The following MIXL1 variants were observed in gnomAD, a reference collection of about 807,000 sequenced individuals.
The protein encoded by MIXL1 is homeobox protein MIXL1.
Under a neutral mutation model 9.3 loss-of-function variants are expected in MIXL1, and 9 were observed. The observed-to-expected ratio is 0.97, with a 90% confidence interval of 0.58 to 1.69. The LOEUF (loss-of-function observed/expected upper bound fraction) is 1.69, where lower values mean the gene tolerates loss of function less well. Among genes scored for constraint, MIXL1 ranks in the 40% most tolerant of loss-of-function variants. MIXL1 has a pLI of 0.00. For missense variants in MIXL1, 330 were observed against 331.7 expected (o/e 0.99, Z 0.04); for synonymous variants, 164 against 155.6 (o/e 1.05, Z -0.40).
chr1:226,224,176 C>A (rs1194925747), intron 1 of MIXL1, 102 bp downstream of exon 1: 11 of 1,084,656 alleles, frequency 1.0e-5, no homozygotes, highest in African/African-American at 3.3e-5. Context: ...ACGTTGCAGG[C>A]ACGGTGCTTC....
At chr1:226,224,680 C>T (rs1254175099) in intron 1 of MIXL1, among the ~76,000 whole-genome samples, 2 of 152,158 alleles carry the variant, frequency 1.3e-5, no homozygotes, top group African/African-American at 2.4e-5. Context: ...ACTCTTGTTG[C>T]CCAGGCTGGA....
Position 226,224,467 on chromosome 1 carries a change from T to C in MIXL1, c.393+393T>C, listed in dbSNP as rs1340218236. Among the ~76,000 whole-genome samples the C allele has an allele frequency of 3.9e-5, 6 of 152,300 alleles. No homozygotes were observed. In the Middle Eastern group the frequency reaches 0.01, roughly 259 times the overall value. On this transcript the variant is annotated intron_variant, in intron 1 of 1. Transcript: ENST00000366810. ...CCTCTGGCTTTGAGCGTGAGAATGGTAGCTGAAAACGGGGAAGGCTGGCTC... is the reference window on the plus strand; with the variant it reads ...CCTCTGGCTTTGAGCGTGAGAATGGCAGCTGAAAACGGGGAAGGCTGGCTC...
At chr1:226,224,762 C>T (rs367992097) in intron 1 of MIXL1, among the ~76,000 whole-genome samples, 1 of 152,174 alleles carries the variant, frequency 6.6e-6, no homozygotes, top group Non-Finnish European at 1.5e-5. Flanking sequence ...GCCTCAGCCT[C>T]CCGAGTAGCT....
In MIXL1 at chr1:226,224,004, C is replaced by T. The variant is rs1171174409; in HGVS notation, c.323C>T (p.Thr108Ile). Residue 108 changes from threonine (T) to isoleucine (I), a missense_variant, in exon 1 of 2, where the codon ACC becomes ATC. Transcript: ENST00000366810. ...LQLLELVFRR[T>I]RYPDIHLRER... ...CTGCTGGAGCTCGTCTTCCGCCGGACCCGGTACCCCGACATCCACTTGCGC... is the reference window on the plus strand; with the variant it reads ...CTGCTGGAGCTCGTCTTCCGCCGGATCCGGTACCCCGACATCCACTTGCGC... 2 of 1,442,774 alleles carry T rather than the reference C, an allele frequency of 1.4e-6. No individual in the cohort carries two copies. The highest frequency in any genetic ancestry group is 2.1e-5 in the Admixed American group (1 of 47,768). The allele number at this position is 1,442,774 out of a possible 1,614,324, so 89.4% of individuals were successfully genotyped here.
rs1657088291 is a variant in MIXL1, at chr1:226,224,006, C to T, written c.325C>T (p.Arg109Trp). 3.5e-6 allele frequency: 5 copies of T among 1,444,334 alleles called. No homozygotes were observed. The highest frequency in any genetic ancestry group is 3.0e-5 in the South Asian group (2 of 67,470). The allele number at this position is 1,444,334 out of a possible 1,614,324, so 89.5% of individuals were successfully genotyped here. ...GCTGGAGCTCGTCTTCCGCCGGACC[C>T]GGTACCCCGACATCCACTTGCGCGA... ...QLLELVFRRTRYPDIHLRERL... is the reference protein window; with the variant it reads ...QLLELVFRRTWYPDIHLRERL... The change falls in exon 1 of 2, where the codon CGG (arginine) becomes TGG (tryptophan). Residue 109 changes from arginine to tryptophan, a missense_variant. Coordinates refer to ENST00000366810, the MANE Select transcript of MIXL1 (RefSeq NM_031944.3).
chr1:226,226,112 G>C lies in MIXL1; in HGVS notation c.*300G>C, dbSNP rs1293187510. 2 of 272,604 alleles carry C rather than the reference G, an allele frequency of 7.3e-6. No individual in the cohort carries two copies. Among genetic ancestry groups the C allele is most frequent in the Non-Finnish European group, 1.4e-5 (2 of 144,218 alleles). The allele number at this position is 272,604 out of a possible 1,614,324, so 16.9% of individuals were successfully genotyped here. A position where few individuals can be genotyped will look rare whatever the true frequency, so the allele number is the denominator to read the frequency against. On this transcript the variant is annotated 3_prime_UTR_variant, in exon 2 of 2. Coordinates refer to ENST00000366810, the MANE Select transcript of MIXL1 (RefSeq NM_031944.3). ...CTTGCCAGGCCTGTTTTTAGTTTTT[G>C]GACTGGTTGTTCAGAACTCATTATT...
intron 1 of MIXL1, 166 bp from the exon 2 acceptor site, chr1:226,225,341 A>G: frequency 1.5e-6 from 1 of 660,944 alleles, no homozygotes; most frequent in Non-Finnish European, 2.5e-6. Flanking sequence ...AAGGAAAGCC[A>G]GGTGTTCTGA....
chr1:226,224,147 T>A lies in MIXL1; in HGVS notation c.393+73T>A, dbSNP rs550913961. The A allele has an allele frequency of 2.2e-5, 27 of 1,221,804 alleles. No homozygotes were observed. In the East Asian group the frequency reaches 2.2e-4, roughly 10 times the overall value. 75.7% of individuals were successfully genotyped at this position (1,221,804 alleles called of 1,614,324 possible). A position where few individuals can be genotyped will look rare whatever the true frequency, so the allele number is the denominator to read the frequency against. On this transcript the variant is annotated intron_variant, in intron 1 of 1. Transcript: ENST00000366810. ...CGGACTCTAGGTCTGGACTGCGGGC[T>A]CCTGAGGCCACACCCGGGACGTTGC...
At position 226,224,012 on chromosome 1, in the gene MIXL1, C is replaced by A. The variant is rs777368332; in HGVS notation, c.331C>A (p.Pro111Thr). Residue 111 changes from proline to threonine, a missense_variant, in exon 1 of 2, where the codon CCC (proline) becomes ACC (threonine). Coordinates refer to ENST00000366810, the MANE Select transcript of MIXL1 (RefSeq NM_031944.3). ...GCTCGTCTTCCGCCGGACCCGGTAC[C>A]CCGACATCCACTTGCGCGAGCGCCT... ...LELVFRRTRY[P>T]DIHLRERLAA... is the part of the protein sequence containing the mutation. 1 of 1,437,880 alleles carries A rather than the reference C, an allele frequency of 7.0e-7. No homozygotes were observed. Among genetic ancestry groups the A allele is most frequent in the Non-Finnish European group, 9.2e-7 (1 of 1,082,596 alleles). The allele number at this position is 1,437,880 out of a possible 1,614,324, so 89.1% of individuals were successfully genotyped here.
At position 226,223,707 on chromosome 1, in the gene MIXL1, T is replaced by C; in HGVS notation, c.26T>C (p.Leu9Pro). 2.0e-6 allele frequency: 3 copies of C among 1,470,004 alleles called. No homozygotes were observed. Among genetic ancestry groups the C allele is most frequent in the Non-Finnish European group, 1.8e-6 (2 of 1,118,416 alleles). 91.1% of individuals were successfully genotyped at this position (1,470,004 alleles called of 1,614,324 possible). A position where few individuals can be genotyped will look rare whatever the true frequency, so the allele number is the denominator to read the frequency against. ...ATGGCCACAGCCGAGTCCCGTGCGC[T>C]CCAGTTTGCCGAGGGCGCCGCGTTT... Reference protein sequence around the residue: MATAESRALQFAEGAAFPA... With the variant: MATAESRAPQFAEGAAFPA... The change falls in exon 1 of 2, where the codon CTC (leucine) becomes CCC (proline). Residue 9 changes from leucine to proline, a missense_variant. By Grantham distance (98) the Leu-to-Pro change is moderately conservative (BLOSUM62 -3). Transcript: ENST00000366810.
rs778441612 is a variant in MIXL1, at chr1:226,225,802, G to C, written c.689G>C (p.Gly230Ala). The C allele has an allele frequency of 4.3e-6, 7 of 1,610,142 alleles. No individual in the cohort carries two copies. Among genetic ancestry groups the C allele is most frequent in the African/African-American group, 4.0e-5 (3 of 74,772 alleles). The change falls in exon 2 of 2, where the codon GGT (glycine) becomes GCT (alanine). Residue 230 changes from glycine (G) to alanine (A), a missense_variant. Coordinates refer to ENST00000366810, the MANE Select transcript of MIXL1 (RefSeq NM_031944.3). ...SWEEHIFSAF[G>A]NF is the part of the protein sequence containing the mutation. The stretch of plus-strand genomic sequence containing the variant: ...GAGGAACACATCTTTTCTGCCTTTG[G>C]TAACTTTTGAGGATTCTGGGAGAAT...
At chr1:226,224,303 A>G (rs2102809995) in intron 1 of MIXL1, among the ~76,000 whole-genome samples, 1 of 152,352 alleles carries the variant, frequency 6.6e-6, no homozygotes, top group African/African-American at 2.4e-5. Flanking sequence ...TTCTCTCATT[A>G]TTAAATATAA....
Position 226,225,872 on chromosome 1 carries a change from C to T in MIXL1, c.*60C>T, listed in dbSNP as rs1657149225. 4 of 1,362,288 alleles carry T rather than the reference C, an allele frequency of 2.9e-6. No individual in the cohort carries two copies. The highest frequency in any genetic ancestry group is 4.1e-6 in the Non-Finnish European group (4 of 979,050). 84.4% of individuals were successfully genotyped at this position (1,362,288 alleles called of 1,614,324 possible). On this transcript the variant is annotated 3_prime_UTR_variant, in exon 2 of 2. Coordinates refer to ENST00000366810, the MANE Select transcript of MIXL1 (RefSeq NM_031944.3). ...GCCATGACTGACAGCCTGGGAGAGA[C>T]ACATCAGCATACTGTCCTTTCTGAC...
rs1657160475 is a variant in MIXL1, at chr1:226,226,323, ACT to A, written c.*514_*515del. ...TTCACGTTCAATCATAGCTCCAATG[ACT>A]CTGCATGCAGATTATTTCGACAGCC... On this transcript the variant is annotated 3_prime_UTR_variant, in exon 2 of 2. Transcript: ENST00000366810. 2 of 152,388 alleles carry A rather than the reference ACT, an allele frequency of 1.3e-5. No individual in the cohort carries two copies. The highest frequency in any genetic ancestry group is 2.1e-4 in the South Asian group (1 of 4,834). 9.4% of individuals were successfully genotyped at this position (152,388 alleles called of 1,614,324 possible).
At position 226,225,690 on chromosome 1, in the gene MIXL1, G is replaced by A. The variant is rs1439867892; in HGVS notation, c.577G>A (p.Gly193Ser). 1.2e-6 allele frequency: 2 copies of A among 1,614,006 alleles called. No individual in the cohort carries two copies. Among genetic ancestry groups the A allele is most frequent in the African/African-American group, 2.7e-5 (2 of 74,898 alleles). Residue 193 changes from glycine to serine, a missense_variant, in exon 2 of 2, where the codon GGC becomes AGC. Physicochemically the swap from Gly to Ser is moderately conservative, Grantham distance 56. Coordinates refer to ENST00000366810, the MANE Select transcript of MIXL1 (RefSeq NM_031944.3). ...GCCCGAACCAAACGGGGTTGGAGGG[G>A]GCATCTCTGACTCTAGCTCCCAAGG... Reference protein sequence around the residue: ...CLPEPNGVGGGISDSSSQGQN... With the variant: ...CLPEPNGVGGSISDSSSQGQN...
In MIXL1 at chr1:226,226,733, C is replaced by T. The variant is rs1318002085; in HGVS notation, c.*921C>T. The T allele has an allele frequency of 6.7e-6, 1 of 149,174 alleles. No homozygotes were observed. The highest frequency in any genetic ancestry group is 1.5e-5 in the Non-Finnish European group (1 of 67,338). The allele number at this position is 149,174 out of a possible 1,614,324, so 9.2% of individuals were successfully genotyped here. On this transcript the variant is annotated 3_prime_UTR_variant, in exon 2 of 2. Coordinates refer to ENST00000366810, the MANE Select transcript of MIXL1 (RefSeq NM_031944.3). Reference sequence around the variant, plus strand: ...ATGGTTCTGTGGTAGCCTCCAGTTGCTACCAAATTATAAAAAGCTTTCAGT... The same window carrying T: ...ATGGTTCTGTGGTAGCCTCCAGTTGTTACCAAATTATAAAAAGCTTTCAGT...
chr1:226,223,850 G>T lies in MIXL1; in HGVS notation c.169G>T (p.Gly57Cys). The change falls in exon 1 of 2, where the codon GGC becomes TGC. Residue 57 changes from glycine (G) to cysteine (C), a missense_variant. By Grantham distance (159) the Gly-to-Cys change is radical. Coordinates refer to ENST00000366810, the MANE Select transcript of MIXL1 (RefSeq NM_031944.3). ...CCCAGCGACCTTTGCGGGCTTCCTCGGCCGGGACCCCGGGCCGGCCCCGCC... is the reference window on the plus strand; with the variant it reads ...CCCAGCGACCTTTGCGGGCTTCCTCTGCCGGGACCCCGGGCCGGCCCCGCC... ...PGPATFAGFL[G>C]RDPGPAPPPP... 8.4e-7 allele frequency: 1 copy of T among 1,196,988 alleles called. No homozygotes were observed. Among genetic ancestry groups the T allele is most frequent in the Non-Finnish European group, 1.0e-6 (1 of 967,660 alleles). 74.1% of individuals were successfully genotyped at this position (1,196,988 alleles called of 1,614,324 possible). A position where few individuals can be genotyped will look rare whatever the true frequency, so the allele number is the denominator to read the frequency against.
In MIXL1 at chr1:226,223,995, TC is replaced by T. The variant is rs1388351907; in HGVS notation, c.316del (p.Arg106AlafsTer66). ...CAGCTGCAGCTGCTGGAGCTCGTCT[TC>T]CGCCGGACCCGGTACCCCGACATCC... ...AEQLQLLELV[F>X]RRTRYPDIHL... On this transcript the variant is annotated frameshift_variant, in exon 1 of 2. Transcript: ENST00000366810. LOFTEE classifies it high-confidence loss of function. 6.9e-7 allele frequency: 1 copy of T among 1,451,564 alleles called. No individual in the cohort carries two copies. The highest frequency in any genetic ancestry group is 9.2e-7 in the Non-Finnish European group (1 of 1,090,610). The allele number at this position is 1,451,564 out of a possible 1,614,324, so 89.9% of individuals were successfully genotyped here.
Position 226,223,714 on chromosome 1 carries a change from T to A in MIXL1, c.33T>A (p.Phe11Leu), listed in dbSNP as rs1419912804. 3 of 1,466,554 alleles carry A rather than the reference T, an allele frequency of 2.0e-6. No homozygotes were observed. The African/African-American group carries it at 4.4e-5, about 22-fold the overall frequency. The allele number at this position is 1,466,554 out of a possible 1,614,324, so 90.8% of individuals were successfully genotyped here. Reference protein sequence around the residue: MATAESRALQFAEGAAFPAYR... With the variant: MATAESRALQLAEGAAFPAYR... ...CAGCCGAGTCCCGTGCGCTCCAGTT[T>A]GCCGAGGGCGCCGCGTTTCCAGCGT... The change falls in exon 1 of 2, where the codon TTT becomes TTA. Residue 11 changes from phenylalanine to leucine, a missense_variant. Coordinates refer to ENST00000366810, the MANE Select transcript of MIXL1 (RefSeq NM_031944.3).
Sources: allele counts gnomAD v4.1 joint callset (sites outside exome capture counted in the v4.1 genomes callset), GRCh38; gene constraint gnomAD v4.1.1; transcripts MANE v1.5; gene names NCBI Gene and HGNC (gene_info 2026-07-23, HGNC 2026-07-21).